CFAP97: variants seen among roughly 807,000 people sequenced by gnomAD.
The protein encoded by CFAP97 is cilia- and flagella-associated protein 97.
Under a neutral mutation model 43.1 loss-of-function variants are expected in CFAP97, and 36 were observed. That is an observed-to-expected ratio of 0.84 (90% CI 0.64 to 1.10). The LOEUF (loss-of-function observed/expected upper bound fraction) is 1.10, where lower values mean the gene tolerates loss of function less well. Ranked by LOEUF, CFAP97 falls within the 50% of genes least tolerant of loss-of-function variation. CFAP97 has a pLI of 0.00. For synonymous variants in CFAP97, 228 were observed against 225.7 expected (o/e 1.01, Z -0.09); for missense variants, 657 against 620.3 (o/e 1.06, Z -0.63).
chr4:185,190,466 T>C lies in CFAP97; in HGVS notation c.731A>G (p.Tyr244Cys), dbSNP rs1351973748. The change falls in exon 2 of 5, where the codon TAC (tyrosine) becomes TGC (cysteine). Residue 244 changes from tyrosine to cysteine, a missense_variant. Transcript: ENST00000458385. Reference protein sequence around the residue: ...PSSTTPKCGHYPEESEDTVTD... With the variant: ...PSSTTPKCGHCPEESEDTVTD... The stretch of plus-strand genomic sequence containing the variant: ...CACAGTATCTTCAGACTCCTCAGGG[T>C]AGTGGCCACATTTTGGTGTAGTACT... 2 of 1,613,786 alleles carry C rather than the reference T, an allele frequency of 1.2e-6. No homozygotes were observed. Among genetic ancestry groups the C allele is most frequent in the Non-Finnish European group, 1.7e-6 (2 of 1,179,878 alleles).
intron 1 of CFAP97, among the ~76,000 whole-genome samples, chr4:185,201,325 CAAA>C (rs61563241): frequency 1.6e-5 from 2 of 128,200 alleles, no homozygotes; most frequent in Non-Finnish European, 3.2e-5. Context: ...GACTCCGCCT[CAAA>C]AAAAAAAAAA....
chr4:185,202,671 A>G (rs1328839809), intron 1 of CFAP97, among the ~76,000 whole-genome samples: 2 of 152,076 alleles, frequency 1.3e-5, no homozygotes, highest in South Asian at 2.1e-4. Flanking sequence ...CATTTCCATG[A>G]TAAGGTCATG....
In CFAP97 at chr4:185,197,102, T is replaced by TAAA. The variant is rs60986571; in HGVS notation, c.-16-5893_-16-5891dup. 2.3e-3 allele frequency among the ~76,000 whole-genome samples: 201 copies of TAAA among 86,750 alleles called. 2 individuals carry two copies. Among genetic ancestry groups the TAAA allele is most frequent in the African/African-American group, 7.9e-3 (165 of 20,804 alleles). The allele number at this position is 86,750 out of a possible 152,430, so 56.9% of individuals were successfully genotyped here. ...CAATAGAGCGAGACTCCCTCTTAATTAAAAAAAAAAAAAAAAAAAAAGACA... is the reference window on the plus strand; with the variant it reads ...CAATAGAGCGAGACTCCCTCTTAATTAAAAAAAAAAAAAAAAAAAAAAAAGACA... On this transcript the variant is annotated intron_variant, in intron 1 of 4. Coordinates refer to ENST00000458385, the MANE Select transcript of CFAP97 (RefSeq NM_020827.3).
At chr4:185,167,295 C>G (rs187509343) in intron 3 of CFAP97, among the ~76,000 whole-genome samples, 2 of 152,090 alleles carry the variant, frequency 1.3e-5, no homozygotes, top group East Asian at 3.9e-4. Context: ...GGCGAGACCC[C>G]GTCTCTTACA....
In CFAP97 at chr4:185,169,574, C is replaced by G. The variant is rs1171124287; in HGVS notation, c.1321-5395G>C. The G allele has an allele frequency of 5.1e-6, 5 of 973,900 alleles. No homozygotes were observed. The African/African-American group carries it at 8.8e-5, about 17-fold the overall frequency. 60.3% of individuals were successfully genotyped at this position (973,900 alleles called of 1,614,324 possible). On this transcript the variant is annotated intron_variant, in intron 3 of 4. Coordinates refer to ENST00000458385, the MANE Select transcript of CFAP97 (RefSeq NM_020827.3). ...TATGAAAATGGACTAATACACTTGT[C>G]CAAACATTTATTTTATATCCAGGAA...
intron 1 of CFAP97, among the ~76,000 whole-genome samples, chr4:185,197,361 A>G (rs576590121): frequency 6.6e-6 from 1 of 152,228 alleles, no homozygotes; most frequent in Admixed American, 6.5e-5. Context: ...CAGCCACGTG[A>G]CTATTACACT....
At chr4:185,185,417 A>T (rs996725186) in intron 2 of CFAP97, among the ~76,000 whole-genome samples, 1 of 152,202 alleles carries the variant, frequency 6.6e-6, no homozygotes, top group Admixed American at 6.6e-5. Flanking sequence ...TGCATTACAA[A>T]TATAATTTTA....
chr4:185,190,552 G>A lies in CFAP97; in HGVS notation c.645C>T (p.Thr215=). ...TATACTTGTGTTTTGGTGACAGGAG[G>A]GTTATACCAGATACATGTTTCTTAG... ...KSSKKHVSGI[T]LLSPKHKYKS... Residue 215 remains threonine, a synonymous_variant, in exon 2 of 5, where the codon ACC becomes ACT. Transcript: ENST00000458385. 6.2e-7 allele frequency: 1 copy of A among 1,613,786 alleles called. No individual in the cohort carries two copies. Among genetic ancestry groups the A allele is most frequent in the Middle Eastern group, 1.6e-4 (1 of 6,062 alleles).
intron 2 of CFAP97, among the ~76,000 whole-genome samples, chr4:185,176,872 A>T (rs928415167): frequency 2.6e-5 from 4 of 152,240 alleles, no homozygotes; most frequent in African/African-American, 9.6e-5. Flanking sequence ...TGCTGGATTT[A>T]TAAATCTTAA....
intron 1 of CFAP97, among the ~76,000 whole-genome samples, chr4:185,197,628 G>C (rs1358792957): frequency 6.6e-6 from 1 of 151,950 alleles, no homozygotes; most frequent in South Asian, 2.1e-4. Flanking sequence ...GGGTTTCACC[G>C]TGTTAGCCAG....
intron 3 of CFAP97, among the ~76,000 whole-genome samples, chr4:185,164,430 C>T (rs905147527): frequency 3.9e-5 from 6 of 152,154 alleles, no homozygotes; most frequent in African/African-American, 1.4e-4. Context: ...TCTCGACATA[C>T]CATGTGAAAA....
At chr4:185,171,935 C>T (rs1208245447) in intron 3 of CFAP97, among the ~76,000 whole-genome samples, 3 of 152,110 alleles carry the variant, frequency 2.0e-5, no homozygotes, top group Non-Finnish European at 4.4e-5. Context: ...GGAATCTCAC[C>T]ATGTTGCTTG....
intron 2 of CFAP97, among the ~76,000 whole-genome samples, chr4:185,177,047 T>TA (rs1346747185): frequency 6.6e-5 from 10 of 152,214 alleles, no homozygotes; most frequent in African/African-American, 2.4e-4. Context: ...GTGCAATTAC[T>TA]ACTAAACATT....
At chr4:185,186,973 C>A (rs1736029395) in intron 2 of CFAP97, among the ~76,000 whole-genome samples, 1 of 152,216 alleles carries the variant, frequency 6.6e-6, no homozygotes, top group East Asian at 1.9e-4. Flanking sequence ...GTCTGTCAAC[C>A]CAATAAATCA....
intron 2 of CFAP97, among the ~76,000 whole-genome samples, chr4:185,183,932 ATTTAATTATAATTGGGGAACTG>A (rs1253359600): frequency 3.3e-5 from 5 of 152,224 alleles, no homozygotes; most frequent in Non-Finnish European, 7.3e-5. Context: ...CAGTATTTCA[ATTTAATTATAATTGGGGAACTG>A]TTCAGGAGTT....
chr4:185,197,505 G>A (rs1169439040), intron 1 of CFAP97, among the ~76,000 whole-genome samples: 3 of 150,958 alleles, frequency 2.0e-5, no homozygotes, highest in Admixed American at 1.3e-4. Context: ...TCGGCTCACC[G>A]CAACCTCAGA....
At chr4:185,175,527 C>T (rs752684859) in intron 3 of CFAP97, among the ~76,000 whole-genome samples, 13 of 152,152 alleles carry the variant, frequency 8.5e-5, no homozygotes, top group Non-Finnish European at 1.5e-5. Flanking sequence ...CTGCCCACCT[C>T]GGCCTCCCAG....
chr4:185,206,660 CAAAAAAAAAAAAAA>C (rs375061067), upstream of CFAP97, among the ~76,000 whole-genome samples: 1 of 77,438 alleles, frequency 1.3e-5, no homozygotes, highest in African/African-American at 5.1e-5. Context: ...ACTCTTGTCT[CAAAAAAAAAAAAAA>C]AAAAAAAAGA....
chr4:185,205,237 C>A (rs3108243), upstream of CFAP97, among the ~76,000 whole-genome samples: 89,961 of 152,036 alleles, frequency 0.59, 27,018 homozygotes, highest in Non-Finnish European at 0.66. Flanking sequence ...GGGTGGGGCC[C>A]CCTGAGAGGA....
Sources: allele counts gnomAD v4.1 joint callset (sites outside exome capture counted in the v4.1 genomes callset), GRCh38; gene constraint gnomAD v4.1.1; transcripts MANE v1.5; gene names NCBI Gene and HGNC (gene_info 2026-07-23, HGNC 2026-07-21).